UNC79: variants seen among roughly 807,000 people sequenced by gnomAD.
UNC79 encodes protein unc-79 homolog.
A neutral mutation model predicts 283.1 loss-of-function variants in UNC79; 37 were observed. The ratio of observed to expected loss-of-function variants is 0.13; its 90% CI spans 0.10 to 0.17. The LOEUF (loss-of-function observed/expected upper bound fraction) is 0.17. UNC79 is among the 10% of genes least tolerant of loss of function. UNC79 has a pLI of 1.00. For synonymous variants in UNC79, 1,107 were observed against 1,200.2 expected, an observed-to-expected ratio of 0.92 and a Z score of 1.61; for missense variants, 2,272 against 3,211.1, an observed-to-expected ratio of 0.71 and a Z score of 7.07.
chr14:93,485,714 A>G (rs1388387922), intron 4 of UNC79, among the ~76,000 whole-genome samples: 1 of 152,188 alleles, frequency 6.6e-6, no homozygotes, highest in Non-Finnish European at 1.5e-5. Flanking sequence ...TTTATTAATA[A>G]GTTGTGGAGC....
chr14:93,423,062 CAAAAAAAAAAAAAAAA>C (rs71129634), intron 1 of UNC79, among the ~76,000 whole-genome samples: 1 of 77,302 alleles, frequency 1.3e-5, no homozygotes. Flanking sequence ...GACTCTGTCT[CAAAAAAAAAAAAAAAA>C]AAAAAAAAAA....
intron 1 of UNC79, among the ~76,000 whole-genome samples, chr14:93,368,348 T>C (rs2054374343): frequency 6.6e-6 from 1 of 152,126 alleles, no homozygotes; most frequent in Non-Finnish European, 1.5e-5. Flanking sequence ...ACAACACCCC[T>C]CTAAAAAAGT....
chr14:93,484,149 TG>T (rs1440203903), intron 4 of UNC79, among the ~76,000 whole-genome samples: 1 of 152,194 alleles, frequency 6.6e-6, no homozygotes, highest in Non-Finnish European at 1.5e-5. Flanking sequence ...CCACCAACAG[TG>T]TAAAAGTGTT....
exon 1 of UNC79, chr14:93,333,245 G>A (rs1403405706): frequency 1.2e-5 from 5 of 402,308 alleles, no homozygotes; most frequent in Non-Finnish European, 1.7e-5. Context: ...TGGGAGCCGG[G>A]CGTCGGGTCG....
At chr14:93,571,107 C>T (rs973263155) in intron 14 of UNC79, among the ~76,000 whole-genome samples, 1 of 152,130 alleles carries the variant, frequency 6.6e-6, no homozygotes, top group Non-Finnish European at 1.5e-5. Context: ...TTGGAATAAT[C>T]TGGAATTCTA....
chr14:93,540,554 G>A (rs2061327575), intron 12 of UNC79, 106 bp from the exon 13 acceptor site: 4 of 1,258,534 alleles, frequency 3.2e-6, no homozygotes, highest in Non-Finnish European at 4.3e-6. Flanking sequence ...TTAAAGAAGA[G>A]CAATCCAGGA....
chr14:93,439,936 G>A (rs2056232923), intron 1 of UNC79, among the ~76,000 whole-genome samples: 2 of 151,864 alleles, frequency 1.3e-5, no homozygotes, highest in Admixed American at 1.3e-4. Context: ...CTGTTTTGAT[G>A]TTTATTTTCT....
chr14:93,440,878 T>C (rs2056276384), intron 1 of UNC79, among the ~76,000 whole-genome samples: 1 of 152,152 alleles, frequency 6.6e-6, no homozygotes, highest in African/African-American at 2.4e-5. Flanking sequence ...ACCACATATG[T>C]ACTTAAAAAG....
exon 18 of UNC79, chr14:93,577,989 A>C: frequency 4.3e-6 from 7 of 1,614,216 alleles, no homozygotes; most frequent in Non-Finnish European, 5.1e-6. Context: ...AGGAAGGACT[A>C]TTGACTTTGA....
rs2057683002 is a variant in UNC79 at position 93,474,404 on chromosome 14, A to C, written c.448+11A>C. 1.3e-6 allele frequency: 2 copies of C among 1,530,310 alleles called. No homozygotes were observed. The highest frequency in any genetic ancestry group is 8.8e-7 in the Non-Finnish European group (1 of 1,142,638). 94.8% of individuals were successfully genotyped at this position (1,530,310 alleles called of 1,614,324 possible). On this transcript the variant is annotated intron_variant, in intron 3 of 48. Coordinates refer to ENST00000555664, the Ensembl canonical transcript of UNC79. The surrounding 1 kb of genome is among the most constrained non-coding windows in gnomAD (Gnocchi z 4.1). ...AGCACGGCCAACACGGTGAGCACTT[A>C]GCTGAAACCTTTGGAAATGTACGTG...
intron 1 of UNC79, among the ~76,000 whole-genome samples, chr14:93,436,703 A>G (rs1381806047): frequency 1.3e-5 from 2 of 152,236 alleles, no homozygotes; most frequent in Non-Finnish European, 2.9e-5. Flanking sequence ...ATAAACATAT[A>G]TATTGGCTTA....
intron 38 of UNC79, among the ~76,000 whole-genome samples, chr14:93,658,584 A>G (rs2071203872): frequency 6.6e-6 from 1 of 152,208 alleles, no homozygotes; most frequent in African/African-American, 2.4e-5. Flanking sequence ...TTGATGTGGA[A>G]TCTTGTCAAT....
At chr14:93,630,930 A>G in intron 31 of UNC79, 22 bp downstream of exon 33, 1 of 1,597,830 alleles carries the variant, frequency 6.3e-7, no homozygotes, top group Non-Finnish European at 8.6e-7. Flanking sequence ...TCTGCTGATT[A>G]TTTCATCTAT....
At chr14:93,379,718 AG>A (rs201852550) in intron 1 of UNC79, among the ~76,000 whole-genome samples, 2,674 of 50,564 alleles carry the variant, frequency 0.053, 36 homozygotes, top group South Asian at 0.19. Flanking sequence ...GGAGGGTGGG[AG>A]GGGGGTGAGG....
chr14:93,616,982 C>G, intron 27 of UNC79, 140 bp from the exon 29 acceptor site: 1 of 710,292 alleles, frequency 1.4e-6, no homozygotes, highest in Non-Finnish European at 2.2e-6. Context: ...CTAGCCATTA[C>G]TTTTAATATT....
intron 1 of UNC79, among the ~76,000 whole-genome samples, chr14:93,391,706 G>A (rs897660251): frequency 6.6e-6 from 1 of 152,128 alleles, no homozygotes; most frequent in African/African-American, 2.4e-5. Context: ...TGAGATTACA[G>A]GTGTGAGTTA....
At chr14:93,470,346 G>A (rs971595729) in intron 2 of UNC79, among the ~76,000 whole-genome samples, 3 of 152,102 alleles carry the variant, frequency 2.0e-5, no homozygotes, top group Non-Finnish European at 4.4e-5. Context: ...ATTTAACTTC[G>A]ATTTATTTAA....
chr14:93,423,310 C>G (rs931890085), intron 1 of UNC79, among the ~76,000 whole-genome samples: 7 of 152,032 alleles, frequency 4.6e-5, no homozygotes, highest in Non-Finnish European at 8.8e-5. Context: ...AGATTCAATT[C>G]AAGCCCTATC....
At chr14:93,469,874 C>A (rs1054289462) in intron 2 of UNC79, among the ~76,000 whole-genome samples, 1 of 151,812 alleles carries the variant, frequency 6.6e-6, no homozygotes, top group Non-Finnish European at 1.5e-5. Flanking sequence ...AGAGCGACAC[C>A]CTATCTCTAA....
Sources: allele counts gnomAD v4.1 joint callset (sites outside exome capture counted in the v4.1 genomes callset), GRCh38; gene constraint gnomAD v4.1.1; non-coding constraint Gnocchi (gnomAD v3.1); transcripts MANE v1.5; gene names NCBI Gene and HGNC (gene_info 2026-07-23, HGNC 2026-07-21).